ITPRID1: variants seen among roughly 807,000 people sequenced by gnomAD.
ITPRID1 encodes the protein ITPR interacting domain containing 1.
Under a neutral mutation model 95.4 loss-of-function variants are expected in ITPRID1, and 96 were observed. The observed-to-expected ratio is 1.01, with a 90% CI of 0.85 to 1.19. The LOEUF is 1.19. Among genes scored for constraint, ITPRID1 ranks in the 50% most tolerant of loss-of-function variants. The pLI is 0.00. For missense variants in ITPRID1, 1,339 were observed against 1,252.9 expected, an observed-to-expected ratio of 1.07 and a Z score of -1.04; for synonymous variants, 510 against 453.6, an observed-to-expected ratio of 1.12 and a Z score of -1.58.
intron 1 of ITPRID1, among the ~76,000 whole-genome samples, chr7:31,533,211 T>C (rs1270994235): frequency 6.6e-6 from 1 of 152,130 alleles, no homozygotes; most frequent in Non-Finnish European, 1.5e-5. Flanking sequence ...AAAAAATCTT[T>C]TTTTCCCTCA....
intron 5 of ITPRID1, 40 bp downstream of exon 5, chr7:31,554,941 A>G (rs777423064): frequency 4.9e-5 from 69 of 1,414,614 alleles, no homozygotes; most frequent in Non-Finnish European, 6.7e-5. Context: ...GAAGCTGAGT[A>G]GGAGATATAT....
intron 1 of ITPRID1, among the ~76,000 whole-genome samples, chr7:31,524,440 C>A (rs148548045): frequency 0.013 from 2,041 of 152,276 alleles, 22 homozygotes; most frequent in Middle Eastern, 0.024. Context: ...CAATTCACAG[C>A]ACATGCAGCC....
intron 1 of ITPRID1, among the ~76,000 whole-genome samples, chr7:31,522,704 A>G (rs1247398695): frequency 6.6e-6 from 1 of 152,220 alleles, no homozygotes; most frequent in African/African-American, 2.4e-5. Context: ...TAGGCATTAG[A>G]CAGAAATTCC....
chr7:31,601,638 A>T (rs894498561), intron 10 of ITPRID1, among the ~76,000 whole-genome samples: 2 of 152,168 alleles, frequency 1.3e-5, no homozygotes, highest in African/African-American at 4.8e-5. Flanking sequence ...TGCTGTCTCT[A>T]GTTTCATACC....
chr7:31,620,030 T>C (rs1787676676), intron 10 of ITPRID1, among the ~76,000 whole-genome samples: 1 of 152,122 alleles, frequency 6.6e-6, no homozygotes. Context: ...GAGATCAAAC[T>C]GCAAGGTGGC....
chr7:31,598,581 T>A (rs1462811562), intron 10 of ITPRID1, among the ~76,000 whole-genome samples: 8 of 151,814 alleles, frequency 5.3e-5, no homozygotes, highest in Admixed American at 2.6e-4. Context: ...TTTTTTGTAT[T>A]TTTAGTAGGG....
intron 10 of ITPRID1, among the ~76,000 whole-genome samples, chr7:31,637,448 A>G (rs558061870): frequency 2.0e-5 from 3 of 152,234 alleles, no homozygotes; most frequent in East Asian, 1.9e-4. Context: ...GTGAGATGGT[A>G]TCTCATTGTG....
At chr7:31,528,746 C>T (rs974385124) in intron 1 of ITPRID1, among the ~76,000 whole-genome samples, 20 of 152,130 alleles carry the variant, frequency 1.3e-4, no homozygotes, top group Admixed American at 1.3e-3. Context: ...GAGGCCTCCT[C>T]CCCTCTTTCC....
chr7:31,657,404 T>TA (rs1399725020), downstream of ITPRID1, among the ~76,000 whole-genome samples: 1 of 152,210 alleles, frequency 6.6e-6, no homozygotes, highest in African/African-American at 2.4e-5. Flanking sequence ...ATTTTTTAAA[T>TA]AAACAAAGAT....
chr7:31,549,335 C>G, intron 1 of ITPRID1, 91 bp from the exon 2 acceptor site: 1 of 890,206 alleles, frequency 1.1e-6, no homozygotes, highest in South Asian at 3.0e-5. Context: ...AATTTCAAGA[C>G]AACACAGGCT....
At chr7:31,530,271 T>C (rs1783553461) in intron 1 of ITPRID1, among the ~76,000 whole-genome samples, 3 of 152,220 alleles carry the variant, frequency 2.0e-5, no homozygotes, top group Admixed American at 6.5e-5. Flanking sequence ...CTTGCTTACC[T>C]GAAGGAGGCT....
At chr7:31,656,625 A>G (rs373140235), downstream of ITPRID1, 8 of 370,646 alleles carry the variant, frequency 2.2e-5, no homozygotes, top group East Asian at 4.9e-4. Flanking sequence ...GAGACAATGA[A>G]GAGAATGAAC....
rs775776363 is a variant in ITPRID1, at chr7:31,578,107, T to G, written c.843T>G (p.Asp281Glu). 2 of 1,613,680 alleles carry G rather than the reference T, an allele frequency of 1.2e-6. No homozygotes were observed. Among genetic ancestry groups the G allele is most frequent in the Non-Finnish European group, 1.7e-6 (2 of 1,179,780 alleles). Reference protein sequence around the residue: ...PEVSESFKVKDEVFVPFTKPW... With the variant: ...PEVSESFKVKEEVFVPFTKPW... ...TATCAGAGTCCTTCAAGGTGAAGGA[T>G]GAAGTTTTTGTTCCCTTTACAAAAC... Residue 281 changes from aspartate (D) to glutamate (E), a missense_variant, in exon 9 of 15, where the codon GAT (aspartate) becomes GAG (glutamate). Coordinates refer to ENST00000615280, the MANE Select transcript of ITPRID1 (RefSeq NM_001257967.3).
intron 1 of ITPRID1, among the ~76,000 whole-genome samples, chr7:31,514,815 C>G (rs930209180): frequency 1.3e-5 from 2 of 151,676 alleles, no homozygotes; most frequent in Admixed American, 1.3e-4. Flanking sequence ...TATATATACA[C>G]AAATAGATAT....
At chr7:31,585,945 C>G (rs1031312950) in intron 10 of ITPRID1, among the ~76,000 whole-genome samples, 1 of 148,196 alleles carries the variant, frequency 6.7e-6, no homozygotes, top group Admixed American at 6.8e-5. Flanking sequence ...CCCACTAACT[C>G]GTCATCTAGC....
intron 10 of ITPRID1, among the ~76,000 whole-genome samples, chr7:31,626,675 G>A (rs995425646): frequency 3.9e-5 from 6 of 152,126 alleles, no homozygotes; most frequent in Non-Finnish European, 7.4e-5. Flanking sequence ...AGTGCTTCTG[G>A]ATCCCTAAAG....
intron 10 of ITPRID1, among the ~76,000 whole-genome samples, chr7:31,595,944 C>A (rs1218519809): frequency 6.6e-6 from 1 of 151,612 alleles, no homozygotes; most frequent in Non-Finnish European, 1.5e-5. Flanking sequence ...ATATGCAAAA[C>A]CCATTTTAAA....
chr7:31,572,086 A>T lies in ITPRID1; in HGVS notation c.309-16A>T. 1 of 1,554,634 alleles carries T rather than the reference A, an allele frequency of 6.4e-7. No homozygotes were observed. Among genetic ancestry groups the T allele is most frequent in the East Asian group, 2.2e-5 (1 of 44,510 alleles). ...TAAATCAACACATCTCATTGTTGATATTTTCCCAACTGTAGATCTTTGCAT... is the reference window on the plus strand; with the variant it reads ...TAAATCAACACATCTCATTGTTGATTTTTTCCCAACTGTAGATCTTTGCAT... On this transcript the variant is annotated splice_polypyrimidine_tract_variant and intron_variant, in intron 6 of 14. Coordinates refer to ENST00000615280, the MANE Select transcript of ITPRID1 (RefSeq NM_001257967.3).
intron 10 of ITPRID1, among the ~76,000 whole-genome samples, chr7:31,622,874 GAAGAA>G (rs1296771260): frequency 6.6e-6 from 1 of 151,996 alleles, no homozygotes; most frequent in African/African-American, 2.4e-5. Context: ...GACTAATAAA[GAAGAA>G]AAGAGAAGAC....
Sources: allele counts gnomAD v4.1 joint callset (sites outside exome capture counted in the v4.1 genomes callset), GRCh38; gene constraint gnomAD v4.1.1; transcripts MANE v1.5; gene names NCBI Gene and HGNC (gene_info 2026-07-23, HGNC 2026-07-21).